Variants in RARB observed in about 807,000 individuals in gnomAD.
RARB encodes the protein retinoic acid receptor beta.
In RARB, 17 loss-of-function variants were observed where a neutral mutation model predicts 51.9. The ratio of observed to expected loss-of-function variants is 0.33; its 90% CI spans 0.22 to 0.49. The LOEUF is 0.49. RARB is among the 20% of genes least tolerant of loss of function. The pLI is 0.99. For missense variants in RARB, 369 were observed against 550.8 expected (o/e 0.67, Z 3.30); for synonymous variants, 215 against 195.4 (o/e 1.10, Z -0.84).
chr3:25,326,365 T>G (rs1490662270), intron 5 of RARB, among the ~76,000 whole-genome samples: 1 of 152,134 alleles, frequency 6.6e-6, no homozygotes, highest in African/African-American at 2.4e-5. Context: ...TCCTGAAGGT[T>G]GCATGTGGAA....
intron 2 of RARB, among the ~76,000 whole-genome samples, chr3:24,876,107 T>A (rs1420351752): frequency 1.3e-5 from 2 of 152,180 alleles, no homozygotes; most frequent in East Asian, 3.8e-4. Flanking sequence ...ATTTCAAGGA[T>A]ACATGATGTC....
chr3:25,253,601 G>C (rs1702785058), intron 5 of RARB, among the ~76,000 whole-genome samples: 1 of 152,024 alleles, frequency 6.6e-6, no homozygotes, highest in African/African-American at 2.4e-5. Context: ...GAAGAGTAGA[G>C]GGGAGAAAAT....
At chr3:25,006,520 T>C (rs544484787) in intron 2 of RARB, among the ~76,000 whole-genome samples, 2 of 152,288 alleles carry the variant, frequency 1.3e-5, no homozygotes, top group Non-Finnish European at 2.9e-5. Context: ...GGTTTCTAGT[T>C]TGGGAACACG....
chr3:25,004,555 A>T lies in RARB; in HGVS notation c.-379-55570A>T, dbSNP rs372945207. ...CATTTATTTTCATTCATGGGAGCAG[A>T]GCTCTCATGGCCTAATCACCTCTTA... On this transcript the variant is annotated intron_variant, in intron 2 of 11. Transcript: ENST00000383772. Among the ~76,000 whole-genome samples the T allele has an allele frequency of 5.3e-5, 8 of 152,200 alleles. No individual in the cohort carries two copies. In the East Asian group the frequency reaches 7.8e-4, roughly 15 times the overall value.
intron 4 of RARB, among the ~76,000 whole-genome samples, chr3:25,146,523 T>TTTTTTTTTA (rs1700196076): frequency 6.8e-6 from 1 of 147,372 alleles, no homozygotes; most frequent in Non-Finnish European, 1.5e-5. Context: ...TTTTTTTTTT[T>TTTTTTTTTA]TGAGACAAGA....
At chr3:25,284,517 C>G (rs1703603036) in intron 5 of RARB, among the ~76,000 whole-genome samples, 1 of 151,924 alleles carries the variant, frequency 6.6e-6, no homozygotes, top group Admixed American at 6.6e-5. Context: ...TTTTATTACT[C>G]AAAGCTGAGT....
chr3:24,879,443 A>G (rs1157085457), intron 2 of RARB, among the ~76,000 whole-genome samples: 1 of 150,790 alleles, frequency 6.6e-6, no homozygotes, highest in East Asian at 2.0e-4. Flanking sequence ...TTAAAAAAAA[A>G]TAAAAAATAA....
rs963288546 is a variant in RARB, at chr3:25,198,130, G to C, written c.178+23555G>C. ...CCAGGAATAAATCCCATCATCTACA[G>C]TGAAATCATATTCAGCAAAGCTGCC... On this transcript the variant is annotated intron_variant, in intron 5 of 11. Coordinates refer to the RARB transcript ENST00000383772. Among the ~76,000 whole-genome samples the C allele has an allele frequency of 5.3e-5, 8 of 152,082 alleles. No homozygotes were observed. The South Asian group carries it at 1.7e-3, about 32-fold the overall frequency.
At chr3:25,319,951 A>G (rs1209943638) in intron 5 of RARB, among the ~76,000 whole-genome samples, 2 of 152,212 alleles carry the variant, frequency 1.3e-5, no homozygotes, top group African/African-American at 2.4e-5. Context: ...TGGGTGGTCA[A>G]AAGCTTGCCG....
At chr3:25,026,634 AC>A (rs1697755801) in intron 2 of RARB, among the ~76,000 whole-genome samples, 1 of 152,136 alleles carries the variant, frequency 6.6e-6, no homozygotes, top group Non-Finnish European at 1.5e-5. Flanking sequence ...ATTCTGAAGT[AC>A]TTAGGGGTTA....
chr3:25,447,447 A>G (rs1329939959), intron 1 of RARB, among the ~76,000 whole-genome samples: 2 of 152,192 alleles, frequency 1.3e-5, no homozygotes, highest in Non-Finnish European at 2.9e-5. Context: ...AGTGTATTCT[A>G]ACTTCTTTAT....
rs1379065339 is a variant in RARB, at chr3:25,367,723, G to C, written c.179-93470G>C. Among the ~76,000 whole-genome samples the C allele has an allele frequency of 2.0e-5, 3 of 151,132 alleles. No individual in the cohort carries two copies. The East Asian group carries it at 5.9e-4, about 30-fold the overall frequency. ...CATCTGCAGTCTCAGCTACCTGGAG[G>C]GCTGGGGCAGGAGGATTGCTTGAAC... On this transcript the variant is annotated intron_variant, in intron 5 of 11. Coordinates refer to the RARB transcript ENST00000383772.
At chr3:24,899,606 G>A (rs1158765627) in intron 2 of RARB, among the ~76,000 whole-genome samples, 1 of 152,110 alleles carries the variant, frequency 6.6e-6, no homozygotes, top group Non-Finnish European at 1.5e-5. Flanking sequence ...TGTGGCCAAG[G>A]ATAAATTCCA....
chr3:25,353,774 A>G (rs929540516), intron 5 of RARB, among the ~76,000 whole-genome samples: 3 of 152,114 alleles, frequency 2.0e-5, no homozygotes, highest in Non-Finnish European at 4.4e-5. Context: ...GGTCCTAAAA[A>G]TAGGCCCAGC....
intron 1 of RARB, among the ~76,000 whole-genome samples, chr3:25,459,406 A>G (rs1396216664): frequency 3.9e-5 from 6 of 152,244 alleles, no homozygotes; most frequent in Non-Finnish European, 8.8e-5. Flanking sequence ...GATGCTGCTA[A>G]AATGCCGTGT....
intron 2 of RARB, among the ~76,000 whole-genome samples, chr3:24,879,868 C>T (rs907269433): frequency 2.6e-5 from 4 of 152,042 alleles, no homozygotes; most frequent in African/African-American, 9.7e-5. Flanking sequence ...TTCACAGTTA[C>T]ATTAAGGGTG....
At chr3:25,077,776 G>C (rs961673233) in intron 3 of RARB, among the ~76,000 whole-genome samples, 1 of 151,850 alleles carries the variant, frequency 6.6e-6, no homozygotes, top group Admixed American at 6.6e-5. Flanking sequence ...ACCTTTTTAC[G>C]GAGTGGTTTT....
intron 7 of RARB, 25 bp downstream of exon 7, chr3:25,594,703 G>C (rs377618080): frequency 6.4e-7 from 1 of 1,550,438 alleles, no homozygotes. Flanking sequence ...TCTCAGTACT[G>C]TAGTCACACA....
At chr3:25,033,603 G>A (rs1185576132) in intron 2 of RARB, among the ~76,000 whole-genome samples, 1 of 152,168 alleles carries the variant, frequency 6.6e-6, no homozygotes, top group Non-Finnish European at 1.5e-5. Context: ...CAGGTCAACA[G>A]TCAAGAAGAG....
Sources: gnomAD v4.1 joint callset for allele counts (sites outside exome capture counted in the v4.1 genomes callset) on GRCh38, gnomAD v4.1.1 for gene constraint, MANE v1.5 for transcripts, NCBI Gene and HGNC (gene_info 2026-07-23, HGNC 2026-07-21) for gene names.